Variants in SHISA5 observed in about 807,000 individuals in gnomAD.
SHISA5 encodes the protein protein shisa-5.
Under a neutral mutation model 27.5 loss-of-function variants are expected in SHISA5, and 21 were observed. The observed-to-expected ratio is 0.76, with a 90% confidence interval of 0.54 to 1.10. The LOEUF is 1.10. SHISA5 is among the 50% of genes least tolerant of loss of function. SHISA5 has a pLI of 0.00. For missense variants in SHISA5, 314 were observed against 336.3 expected (o/e 0.93, Z 0.52); for synonymous variants, 137 against 142.2 (o/e 0.96, Z 0.26).
chr3:48,482,466 A>G (rs1196064937), intron 2 of SHISA5, among the ~76,000 whole-genome samples: 4 of 152,214 alleles, frequency 2.6e-5, no homozygotes, highest in African/African-American at 9.6e-5. Context: ...TGGACAAACC[A>G]TCTGTGAAAA....
At chr3:48,495,908 T>C (rs1009660556) in intron 2 of SHISA5, among the ~76,000 whole-genome samples, 3 of 147,004 alleles carry the variant, frequency 2.0e-5, no homozygotes, top group Admixed American at 6.7e-5. Context: ...CCCAGAACTT[T>C]GGGAGGCCAA....
At position 48,473,073 on chromosome 3, in the gene SHISA5, TC is replaced by T; in HGVS notation, c.315-3231del. 6.6e-7 allele frequency: 1 copy of T among 1,512,576 alleles called. No individual in the cohort carries two copies. The highest frequency in any genetic ancestry group is 8.8e-7 in the Non-Finnish European group (1 of 1,137,358). The allele number at this position is 1,512,576 out of a possible 1,614,324, so 93.7% of individuals were successfully genotyped here. A position where few individuals can be genotyped will look rare whatever the true frequency, so the allele number is the denominator to read the frequency against. ...ACCCCTGGGCTTTCCCCTCTTCCCA[TC>T]GTGGGCCACTCAGTTTCAATTTCCT... On this transcript the variant is annotated intron_variant, in intron 3 of 5. Transcript: ENST00000296444. The surrounding 1 kb of genome is among the most constrained non-coding windows in gnomAD (Gnocchi z 4.3).
intron 2 of SHISA5, among the ~76,000 whole-genome samples, chr3:48,491,799 C>T (rs1419467275): frequency 6.6e-6 from 1 of 151,884 alleles, no homozygotes. Flanking sequence ...AGACGCGCAC[C>T]ATCATGCCTG....
At chr3:48,479,605 G>GT in intron 2 of SHISA5, 1 of 236,632 alleles carries the variant, frequency 4.2e-6, no homozygotes, top group Non-Finnish European at 8.2e-6. Context: ...ATTTTTTTTT[G>GT]TTTTTGAGAT....
chr3:48,492,336 G>A (rs995673413), intron 2 of SHISA5, among the ~76,000 whole-genome samples: 2,626 of 151,374 alleles, frequency 0.017, 74 homozygotes, highest in African/African-American at 0.057. Context: ...CGGGCGCGGT[G>A]GCGGGCGCCT....
chr3:48,502,329 C>T (rs1423534312), intron 1 of SHISA5: 5 of 454,926 alleles, frequency 1.1e-5, no homozygotes, highest in Admixed American at 2.4e-5. Flanking sequence ...ACCATACCAG[C>T]GTTCATAAAG....
In SHISA5 at chr3:48,473,637, T is replaced by G; in HGVS notation, c.315-3794A>C. On this transcript the variant is annotated intron_variant, in intron 3 of 5. Coordinates refer to ENST00000296444, the MANE Select transcript of SHISA5 (RefSeq NM_016479.6). This position sits in a 1 kb window ranked among gnomAD's most constrained non-coding sequence, Gnocchi z 4.3. ...TGGGGCCACCATGCAAGGTCCATCA[T>G]GTCACCACCTGCTCAAACGCCAGCT... 1 of 1,179,036 alleles carries G rather than the reference T, an allele frequency of 8.5e-7. No homozygotes were observed. The highest frequency in any genetic ancestry group is 1.1e-6 in the Non-Finnish European group (1 of 933,520). 73.0% of individuals were successfully genotyped at this position (1,179,036 alleles called of 1,614,324 possible).
At chr3:48,479,368 C>G in intron 2 of SHISA5, 111 bp from the exon 3 acceptor site, 1 of 949,262 alleles carries the variant, frequency 1.1e-6, no homozygotes, top group South Asian at 1.5e-5. Flanking sequence ...GAACCGGTGG[C>G]TTCAATGGCC....
chr3:48,475,989 G>T (rs1005461592), intron 3 of SHISA5, among the ~76,000 whole-genome samples: 3 of 152,232 alleles, frequency 2.0e-5, no homozygotes, highest in African/African-American at 7.2e-5. Context: ...TTCTGGGCCA[G>T]GCAGATGTGG....
At chr3:48,483,907 AG>A (rs1192852609) in intron 2 of SHISA5, among the ~76,000 whole-genome samples, 2 of 152,196 alleles carry the variant, frequency 1.3e-5, no homozygotes, top group Non-Finnish European at 2.9e-5. Context: ...TGTAGACATA[AG>A]GTCTCACTAT....
intron 2 of SHISA5, among the ~76,000 whole-genome samples, chr3:48,495,889 A>G (rs2041534828): frequency 6.8e-6 from 1 of 146,088 alleles, no homozygotes; most frequent in Non-Finnish European, 1.5e-5. Flanking sequence ...AGTGGCTCAC[A>G]CCTGTAATCC....
chr3:48,503,687 A>T, intron 1 of SHISA5: 1 of 1,134,524 alleles, frequency 8.8e-7, no homozygotes, highest in Non-Finnish European at 1.1e-6. Context: ...CCCTGCAGCC[A>T]CCCGCCAGAC....
At chr3:48,490,084 T>TC (rs2041377462) in intron 2 of SHISA5, among the ~76,000 whole-genome samples, 1 of 152,130 alleles carries the variant, frequency 6.6e-6, no homozygotes, top group African/African-American at 2.4e-5. Flanking sequence ...TTGCTTTTTT[T>TC]CTGAGACGGA....
At position 48,473,481 on chromosome 3, in the gene SHISA5, G is replaced by A. The variant is rs1163180644; in HGVS notation, c.315-3638C>T. 33 of 1,291,908 alleles carry A rather than the reference G, an allele frequency of 2.6e-5. No individual in the cohort carries two copies. Among genetic ancestry groups the A allele is most frequent in the Non-Finnish European group, 3.2e-5 (32 of 990,608 alleles). The allele number at this position is 1,291,908 out of a possible 1,614,324, so 80.0% of individuals were successfully genotyped here. On this transcript the variant is annotated intron_variant, in intron 3 of 5. Transcript: ENST00000296444. This position sits in a 1 kb window ranked among gnomAD's most constrained non-coding sequence, Gnocchi z 4.3. ...AGGAGGAGCTTCTGCATCCATCTAG[G>A]CCCAGAGGGCGACCCTGGGGCCCTG... is the stretch of plus-strand genomic sequence containing the variant.
intron 2 of SHISA5, among the ~76,000 whole-genome samples, chr3:48,480,892 C>T (rs1423648945): frequency 6.6e-6 from 1 of 151,814 alleles, no homozygotes; most frequent in East Asian, 1.9e-4. Context: ...GTCAGGAGTT[C>T]GAGACCAGCC....
At chr3:48,492,440 C>G in intron 2 of SHISA5, among the ~76,000 whole-genome samples, 1 of 144,186 alleles carries the variant, frequency 6.9e-6, no homozygotes, top group Middle Eastern at 3.6e-3. Context: ...ACTGCAGTCC[C>G]GCCTGGGTGA....
At chr3:48,471,801 CCAA>C (rs2107293094) in intron 3 of SHISA5, among the ~76,000 whole-genome samples, 1 of 152,000 alleles carries the variant, frequency 6.6e-6, no homozygotes, top group African/African-American at 2.4e-5. Flanking sequence ...TCTCTTGAAC[CCAA>C]GGAGGCAGAG....
chr3:48,472,886 T>C, intron 3 of SHISA5: 1 of 1,024,490 alleles, frequency 9.8e-7, no homozygotes, highest in Non-Finnish European at 1.5e-6. Flanking sequence ...GAGGCAGGAA[T>C]GGAGAAACGC....
chr3:48,488,342 C>T (rs1386006241), intron 2 of SHISA5, among the ~76,000 whole-genome samples: 1 of 150,834 alleles, frequency 6.6e-6, no homozygotes, highest in African/African-American at 2.4e-5. Context: ...ATTCTCCTCC[C>T]TTAGCCTCCC....
Sources: allele counts gnomAD v4.1 joint callset (sites outside exome capture counted in the v4.1 genomes callset), GRCh38; gene constraint gnomAD v4.1.1; non-coding constraint Gnocchi (gnomAD v3.1); transcripts MANE v1.5; gene names NCBI Gene and HGNC (gene_info 2026-07-23, HGNC 2026-07-21).